Variants in DNAH12 observed in about 807,000 individuals in gnomAD.
DNAH12 encodes the protein axonemal beta dynein heavy chain 12.
DNAH12 carries 285 observed loss-of-function variants against 371.5 expected under a neutral mutation model. That is an observed-to-expected ratio of 0.77 (90% CI 0.70 to 0.85). The LOEUF (loss-of-function observed/expected upper bound fraction) is 0.85, where lower values mean the gene tolerates loss of function less well. Among genes scored for constraint, DNAH12 ranks in the 40% least tolerant of loss-of-function variants. DNAH12 has a pLI of 0.00. For synonymous variants in DNAH12, 1,200 were observed against 1,213.0 expected (o/e 0.99, Z 0.22); for missense variants, 3,611 against 3,689.4 (o/e 0.98, Z 0.55).
intron 60 of DNAH12, among the ~76,000 whole-genome samples, chr3:57,343,571 A>C (rs1220933083): frequency 3.9e-5 from 6 of 152,212 alleles, no homozygotes; most frequent in African/African-American, 1.4e-4. Flanking sequence ...TCCCCATGTG[A>C]TAGTCTGAAA....
At chr3:57,349,691 CTTTA>C (rs782644249) in intron 60 of DNAH12, among the ~76,000 whole-genome samples, 6 of 152,038 alleles carry the variant, frequency 3.9e-5, no homozygotes, top group African/African-American at 7.2e-5. Flanking sequence ...GAGACTACTA[CTTTA>C]TTTATTTATT....
chr3:57,546,917 C>T (rs576689069), upstream of DNAH12, among the ~76,000 whole-genome samples: 2 of 152,164 alleles, frequency 1.3e-5, no homozygotes, highest in African/African-American at 4.8e-5. Context: ...GGAGGCCGAG[C>T]CAGACAGACT....
At chr3:57,479,160 C>T (rs1304892821) in intron 13 of DNAH12, among the ~76,000 whole-genome samples, 3 of 151,950 alleles carry the variant, frequency 2.0e-5, no homozygotes, top group African/African-American at 7.3e-5. Flanking sequence ...CCATAGTGTG[C>T]TGTATTCAGG....
In DNAH12 at chr3:57,457,956, G is replaced by A; in HGVS notation, c.3101C>T (p.Thr1034Ile). Residue 1034 changes from threonine to isoleucine, a missense_variant, in exon 22 of 74, where the codon ACC becomes ATC. Thr to Ile is a moderately conservative substitution (Grantham distance 89, BLOSUM62 -1). Coordinates refer to ENST00000495027, the MANE Select transcript of DNAH12 (RefSeq NM_001366028.2). Reference sequence around the variant, plus strand: ...TGGCTGAACTCTAAGTGGATCTTTGGTCTCTGATAAAATCTCTAACATTTC... The same window carrying A: ...TGGCTGAACTCTAAGTGGATCTTTGATCTCTGATAAAATCTCTAACATTTC... ...NDEMLEILSE[T>I]KDPLRVQPHL... 1.3e-6 allele frequency: 2 copies of A among 1,551,544 alleles called. No homozygotes were observed. Among genetic ancestry groups the A allele is most frequent in the Non-Finnish European group, 8.7e-7 (1 of 1,146,968 alleles).
chr3:57,479,473 G>A (rs986187751), intron 13 of DNAH12, among the ~76,000 whole-genome samples: 10 of 152,134 alleles, frequency 6.6e-5, no homozygotes, highest in Admixed American at 5.2e-4. Context: ...ATAATAATGG[G>A]AGACTTTAAA....
chr3:57,537,658 C>G (rs1002988628), intron 2 of DNAH12, among the ~76,000 whole-genome samples: 2 of 151,238 alleles, frequency 1.3e-5, no homozygotes, highest in Admixed American at 1.3e-4. Context: ...TTAATTTTAT[C>G]AGGTATTTTT....
At chr3:57,482,720 C>T (rs1384583480) in intron 13 of DNAH12, among the ~76,000 whole-genome samples, 1 of 151,996 alleles carries the variant, frequency 6.6e-6, no homozygotes, top group Non-Finnish European at 1.5e-5. Flanking sequence ...GGCACATATA[C>T]ACCATGGAAT....
At chr3:57,298,110 C>T (rs1311571126) in intron 70 of DNAH12, among the ~76,000 whole-genome samples, 1 of 152,158 alleles carries the variant, frequency 6.6e-6, no homozygotes, top group African/African-American at 2.4e-5. Flanking sequence ...TTGTTGTTTT[C>T]CTGCCTATCT....
rs1319788324 is a variant in DNAH12 at position 57,489,685 on chromosome 3, A to G, written c.1338T>C (p.Phe446=). The change falls in exon 12 of 74, where the codon TTT becomes TTC. Residue 446 remains phenylalanine, a splice_region_variant and synonymous_variant. Transcript: ENST00000495027. The part of the protein sequence containing the change: ...EDHTFDEYTE[F]IEKFLSLASE... ...AGGCAAGACTGAGAAATTTTTCTAT[A>G]AACTTGAAAAAAAGTGTTCAAATGA... 1 of 1,502,596 alleles carries G rather than the reference A, an allele frequency of 6.7e-7. No individual in the cohort carries two copies. The highest frequency in any genetic ancestry group is 2.6e-5 in the East Asian group (1 of 39,070). The allele number at this position is 1,502,596 out of a possible 1,614,324, so 93.1% of individuals were successfully genotyped here. A position where few individuals can be genotyped will look rare whatever the true frequency, so the allele number is the denominator to read the frequency against.
chr3:57,536,504 T>C (rs2153401839), intron 2 of DNAH12: 1 of 152,342 alleles, frequency 6.6e-6, no homozygotes, highest in South Asian at 2.1e-4. Context: ...CTCATTTCCC[T>C]GTTCAATCTT....
chr3:57,388,268 A>G (rs1265847534), intron 45 of DNAH12, among the ~76,000 whole-genome samples: 1 of 152,176 alleles, frequency 6.6e-6, no homozygotes, highest in Non-Finnish European at 1.5e-5. Context: ...CACTCTTTAT[A>G]AAACAGCATT....
intron 2 of DNAH12, among the ~76,000 whole-genome samples, chr3:57,526,830 G>T (rs972828284): frequency 3.3e-5 from 5 of 149,672 alleles, no homozygotes; most frequent in Admixed American, 1.3e-4. Context: ...CCTCTTTTTT[G>T]TTGTTGTTGT....
intron 25 of DNAH12, among the ~76,000 whole-genome samples, chr3:57,450,094 A>G (rs1330749529): frequency 6.6e-6 from 1 of 152,178 alleles, no homozygotes; most frequent in Non-Finnish European, 1.5e-5. Context: ...CGAAAAATAC[A>G]AAAATCAGCC....
intron 15 of DNAH12, 142 bp downstream of exon 15, chr3:57,471,330 G>A (rs1043803798): frequency 2.2e-6 from 1 of 447,974 alleles, no homozygotes; most frequent in African/African-American, 2.1e-5. Context: ...AAATATATAT[G>A]TATATATGTA....
chr3:57,309,892 C>T, intron 67 of DNAH12, 38 bp from the exon 68 acceptor site: 1 of 1,520,406 alleles, frequency 6.6e-7, no homozygotes, highest in Admixed American at 2.0e-5. Context: ...CATATTTTCC[C>T]TGGATACTGA....
chr3:57,480,914 G>A lies in DNAH12; in HGVS notation c.1650+2462C>T, dbSNP rs1416082416. Among the ~76,000 whole-genome samples the A allele has an allele frequency of 6.6e-5, 10 of 152,196 alleles. No individual in the cohort carries two copies. The South Asian group carries it at 1.2e-3, about 19-fold the overall frequency. ...TCAATAAATTAGGTATTGATGGGAC[G>A]TATCTCAAAATAATAAGAGCTATCT... On this transcript the variant is annotated intron_variant, in intron 13 of 73. Transcript: ENST00000495027.
At chr3:57,512,766 T>C (rs979953442) in intron 4 of DNAH12, among the ~76,000 whole-genome samples, 2 of 152,190 alleles carry the variant, frequency 1.3e-5, no homozygotes, top group African/African-American at 4.8e-5. Context: ...TGCACACATA[T>C]GTTTACTGCA....
intron 13 of DNAH12, among the ~76,000 whole-genome samples, chr3:57,482,200 A>G (rs2066767900): frequency 6.6e-6 from 1 of 152,232 alleles, no homozygotes; most frequent in Non-Finnish European, 1.5e-5. Context: ...TCCAGAATCT[A>G]CAATGAACTC....
chr3:57,441,909 T>C (rs1363317142), intron 29 of DNAH12, among the ~76,000 whole-genome samples: 1 of 151,478 alleles, frequency 6.6e-6, no homozygotes, highest in Non-Finnish European at 1.5e-5. Flanking sequence ...GTCAAACTGC[T>C]CAAAACCAAA....
Sources: allele counts gnomAD v4.1 joint callset (sites outside exome capture counted in the v4.1 genomes callset), GRCh38; gene constraint gnomAD v4.1.1; transcripts MANE v1.5; gene names NCBI Gene and HGNC (gene_info 2026-07-23, HGNC 2026-07-21).